Variants in RANBP2 observed in about 807,000 individuals in gnomAD.
The protein encoded by RANBP2 is E3 SUMO-protein ligase RanBP2.
A neutral mutation model predicts 303.6 loss-of-function variants in RANBP2; 57 were observed. That is an observed-to-expected ratio of 0.19 (90% confidence interval 0.15 to 0.23). The LOEUF is 0.23. Ranked by LOEUF, RANBP2 falls within the 10% of genes least tolerant of loss-of-function variation. The pLI is 1.00. For synonymous variants in RANBP2, 1,167 were observed against 1,301.5 expected (o/e 0.90, Z 2.23); for missense variants, 3,138 against 3,780.8 (o/e 0.83, Z 4.46).
the RANBP2 span, among the ~76,000 whole-genome samples, chr2:109,275,814 G>A: frequency 1.6e-4 from 25 of 152,334 alleles, no homozygotes; most frequent in Admixed American, 8.5e-4. Flanking sequence ...GATCTGAAGC[G>A]TTCGCGGGGA....
At chr2:109,432,453 A>T in the RANBP2 span, 2 of 1,605,196 alleles carry the variant, frequency 1.2e-6, no homozygotes, top group East Asian at 2.3e-5. Context: ...CCGGTCCCCT[A>T]TCCCCAGGAG....
the RANBP2 span, among the ~76,000 whole-genome samples, chr2:109,690,816 C>T: frequency 6.6e-6 from 1 of 152,196 alleles, no homozygotes; most frequent in East Asian, 1.9e-4. Context: ...CTAGGCCTAC[C>T]CCTTCCTGAC....
chr2:109,704,749 G>A, the RANBP2 span, among the ~76,000 whole-genome samples: 1 of 152,122 alleles, frequency 6.6e-6, no homozygotes, highest in East Asian at 1.9e-4. Flanking sequence ...TACTCGGGAG[G>A]CTGAGGCAGA....
downstream of RANBP2, among the ~76,000 whole-genome samples, chr2:108,786,337 C>T (rs891335907): frequency 6.6e-5 from 10 of 150,740 alleles, no homozygotes; most frequent in Admixed American, 2.0e-4. Context: ...CAAAGCAATG[C>T]TCCCGCCTCA....
At chr2:108,744,529 T>G (rs1361206154) in intron 7 of RANBP2, among the ~76,000 whole-genome samples, 1 of 152,162 alleles carries the variant, frequency 6.6e-6, no homozygotes, top group Non-Finnish European at 1.5e-5. Flanking sequence ...TGAATTGAGG[T>G]CAGTTTCAAA....
chr2:109,169,209 A>G, the RANBP2 span, among the ~76,000 whole-genome samples: 13 of 152,220 alleles, frequency 8.5e-5, no homozygotes, highest in African/African-American at 1.9e-4. Context: ...AAAACCAGCT[A>G]TGGGACAAAC....
chr2:109,686,542 T>G, the RANBP2 span, among the ~76,000 whole-genome samples: 1 of 152,196 alleles, frequency 6.6e-6, no homozygotes, highest in Non-Finnish European at 1.5e-5. Context: ...CTTGAACTCC[T>G]GACCTCGTGA....
the RANBP2 span, among the ~76,000 whole-genome samples, chr2:109,231,341 A>AAAATAAC: frequency 6.6e-6 from 1 of 152,246 alleles, no homozygotes; most frequent in Non-Finnish European, 1.5e-5. Context: ...GTTACAATAA[A>AAAATAAC]AAATAACTCC....
chr2:109,245,585 T>C, the RANBP2 span, among the ~76,000 whole-genome samples: 35 of 152,244 alleles, frequency 2.3e-4, no homozygotes, highest in Non-Finnish European at 4.1e-4. Flanking sequence ...TTATAGGAAC[T>C]TGGGCTTTGA....
chr2:109,735,615 A>G, the RANBP2 span, among the ~76,000 whole-genome samples: 1 of 152,200 alleles, frequency 6.6e-6, no homozygotes, highest in African/African-American at 2.4e-5. Context: ...AAGTTTTTAA[A>G]TCTGGGACTA....
At chr2:108,826,653 T>G in the RANBP2 span, among the ~76,000 whole-genome samples, 2 of 152,214 alleles carry the variant, frequency 1.3e-5, no homozygotes, top group African/African-American at 4.8e-5. Flanking sequence ...TTCATTACTG[T>G]AGCTTTGTAG....
the RANBP2 span, among the ~76,000 whole-genome samples, chr2:109,325,801 T>C: frequency 6.6e-6 from 1 of 152,222 alleles, no homozygotes; most frequent in African/African-American, 2.4e-5. Context: ...ACCCTCCTTA[T>C]TACTGCAGGG....
At chr2:109,452,399 G>A in the RANBP2 span, among the ~76,000 whole-genome samples, 3 of 152,152 alleles carry the variant, frequency 2.0e-5, no homozygotes, top group Non-Finnish European at 4.4e-5. Context: ...GTATTCTCCA[G>A]TCTGTTTCTG....
At chr2:109,428,385 C>T in the RANBP2 span, among the ~76,000 whole-genome samples, 1 of 152,350 alleles carries the variant, frequency 6.6e-6, no homozygotes, top group South Asian at 2.1e-4. Flanking sequence ...TATGGGTAAG[C>T]GAAGGCTGTG....
intron 1 of RANBP2, among the ~76,000 whole-genome samples, chr2:108,722,251 A>T (rs1216932259): frequency 1.3e-5 from 2 of 152,176 alleles, no homozygotes; most frequent in East Asian, 3.8e-4. Context: ...TCTTACACTT[A>T]GAGTCTTTTT....
chr2:109,670,936 C>G, the RANBP2 span, among the ~76,000 whole-genome samples: 1 of 152,176 alleles, frequency 6.6e-6, no homozygotes, highest in Non-Finnish European at 1.5e-5. Context: ...GCTTGGGGAG[C>G]TGGGCACTAT....
the RANBP2 span, among the ~76,000 whole-genome samples, chr2:109,188,776 C>A: frequency 6.6e-6 from 1 of 152,172 alleles, no homozygotes; most frequent in Admixed American, 6.5e-5. Context: ...CCAAGCGTTA[C>A]ACTTTGGTTA....
At chr2:109,021,922 G>A in the RANBP2 span, among the ~76,000 whole-genome samples, 3 of 152,196 alleles carry the variant, frequency 2.0e-5, no homozygotes, top group African/African-American at 4.8e-5. Context: ...AGTGCCCTGC[G>A]GGGTTGAGAG....
chr2:109,725,569 G>A, the RANBP2 span, among the ~76,000 whole-genome samples: 861 of 152,150 alleles, frequency 5.7e-3, 3 homozygotes, highest in Middle Eastern at 0.024. Flanking sequence ...TTTTTAACTG[G>A]GACCATGTTC....
Sources: gnomAD v4.1 joint callset for allele counts (sites outside exome capture counted in the v4.1 genomes callset) on GRCh38, gnomAD v4.1.1 for gene constraint, MANE v1.5 for transcripts, NCBI Gene and HGNC (gene_info 2026-07-23, HGNC 2026-07-21) for gene names.